The following MEF2C variants were observed in gnomAD, a reference collection of about 807,000 sequenced individuals.
MEF2C encodes myocyte enhancer factor 2C, also known as myocyte-specific enhancer factor 2C.
Under a neutral mutation model 50.5 loss-of-function variants are expected in MEF2C, and 6 were observed. The ratio of observed to expected loss-of-function variants is 0.12; its 90% CI spans 0.07 to 0.23. The LOEUF is 0.23. Ranked by LOEUF, MEF2C falls within the 10% of genes least tolerant of loss-of-function variation. The pLI is 1.00. For missense variants in MEF2C, 276 were observed against 605.0 expected (o/e 0.46, Z 5.70); for synonymous variants, 183 against 228.0 (o/e 0.80, Z 1.78).
At chr5:88,852,525 ATTATT>A (rs1821758432) in intron 1 of MEF2C, among the ~76,000 whole-genome samples, 1 of 152,160 alleles carries the variant, frequency 6.6e-6, no homozygotes, top group African/African-American at 2.4e-5. Context: ...TTTTATTTTA[ATTATT>A]TTATTTTTCC....
At chr5:88,890,600 A>T (rs978408223) in intron 1 of MEF2C, among the ~76,000 whole-genome samples, 5 of 152,222 alleles carry the variant, frequency 3.3e-5, no homozygotes, top group Non-Finnish European at 7.3e-5. Context: ...AAACGTTTCC[A>T]TCACTGCATA....
At chr5:88,790,251 C>T (rs1369877726) in intron 3 of MEF2C, among the ~76,000 whole-genome samples, 2 of 152,180 alleles carry the variant, frequency 1.3e-5, no homozygotes, top group Admixed American at 1.3e-4. Context: ...ATGATTCTAA[C>T]CCTCCATAAA....
chr5:88,748,237 A>G (rs1223824898), intron 6 of MEF2C: 2 of 974,092 alleles, frequency 2.1e-6, no homozygotes, highest in South Asian at 9.5e-5. Context: ...TAGGCTATCC[A>G]TGTCTATTTC....
intron 6 of MEF2C, chr5:88,736,600 T>A (rs1222423273): frequency 2.4e-5 from 24 of 979,868 alleles, no homozygotes; most frequent in Non-Finnish European, 2.9e-5. Context: ...TAAGAGGAGT[T>A]TCAGGCCTTC....
chr5:88,886,344 C>T (rs1210152689), upstream of MEF2C, among the ~76,000 whole-genome samples: 1 of 152,122 alleles, frequency 6.6e-6, no homozygotes, highest in African/African-American at 2.4e-5. Context: ...TTAAAATCAT[C>T]CTGATCCTTG....
At chr5:88,880,291 C>A (rs1286105994) in intron 1 of MEF2C, among the ~76,000 whole-genome samples, 1 of 152,076 alleles carries the variant, frequency 6.6e-6, no homozygotes, top group African/African-American at 2.4e-5. Context: ...AATCTCTTAA[C>A]AGTTCATCTT....
intron 5 of MEF2C, chr5:88,749,599 A>G: frequency 3.1e-6 from 2 of 642,636 alleles, no homozygotes; most frequent in Non-Finnish European, 3.9e-6. Flanking sequence ...GACTGACACA[A>G]TATAACAAAT....
intron 2 of MEF2C, chr5:88,819,533 G>A (rs1807242653): frequency 4.4e-6 from 1 of 225,064 alleles, no homozygotes; most frequent in South Asian, 1.6e-4. Context: ...TGCAAATACT[G>A]CTTCTGGAAT....
chr5:88,803,301 G>A (rs1169994703), intron 3 of MEF2C, among the ~76,000 whole-genome samples: 1 of 151,978 alleles, frequency 6.6e-6, no homozygotes, highest in African/African-American at 2.4e-5. Flanking sequence ...CCTTGGCCTC[G>A]TTAAGGCAAA....
intron 3 of MEF2C, chr5:88,771,730 G>A (rs912089510): frequency 1.9e-5 from 8 of 430,058 alleles, no homozygotes; most frequent in Non-Finnish European, 2.5e-5. Flanking sequence ...TGAGTTGGGT[G>A]GTCTTGTAGA....
chr5:88,752,372 G>T (rs1395419158), intron 4 of MEF2C, among the ~76,000 whole-genome samples: 1 of 152,200 alleles, frequency 6.6e-6, no homozygotes, highest in Non-Finnish European at 1.5e-5. Flanking sequence ...AGAAATGACT[G>T]CAAGATCAAA....
intron 5 of MEF2C, 35 bp from the exon 6 acceptor site, chr5:88,749,152 G>C: frequency 1.3e-6 from 2 of 1,540,442 alleles, no homozygotes; most frequent in Non-Finnish European, 1.8e-6. Flanking sequence ...AACGAGAAAG[G>C]CTAAAGGCCC....
At chr5:88,843,065 G>A (rs774550534) in intron 1 of MEF2C, among the ~76,000 whole-genome samples, 1 of 152,070 alleles carries the variant, frequency 6.6e-6, no homozygotes, top group Non-Finnish European at 1.5e-5. Flanking sequence ...TACTGATTGG[G>A]AGCTACAAAA....
chr5:88,799,989 G>A (rs1206992468), intron 3 of MEF2C, among the ~76,000 whole-genome samples: 2 of 151,676 alleles, frequency 1.3e-5, no homozygotes, highest in Non-Finnish European at 2.9e-5. Context: ...GTGAATCAAA[G>A]GTTTCTTCTG....
intron 6 of MEF2C, among the ~76,000 whole-genome samples, chr5:88,748,417 T>C (rs771012706): frequency 7.9e-5 from 12 of 152,242 alleles, no homozygotes; most frequent in Non-Finnish European, 1.8e-4. Flanking sequence ...ATCTTGCCTC[T>C]GCATTGAAAA....
rs189174067 is a variant in MEF2C at position 88,888,510 on chromosome 5, T to C, written c.-239-912A>G. On this transcript the variant is annotated intron_variant, in intron 1 of 11. Coordinates refer to the MEF2C transcript ENST00000340208. ...GCCAGTTTTACTTTATGGGTGTTAG[T>C]TGAGTTTAGGTTTTTAGGCTTAGGC... Among the ~76,000 whole-genome samples, 725 of 152,304 alleles carry C rather than the reference T, an allele frequency of 4.8e-3. 8 individuals carry two copies. Among genetic ancestry groups the C allele is most frequent in the African/African-American group, 0.017 (701 of 41,556 alleles).
chr5:88,871,051 A>G (rs1373580618), intron 1 of MEF2C, among the ~76,000 whole-genome samples: 1 of 152,102 alleles, frequency 6.6e-6, no homozygotes, highest in Admixed American at 6.6e-5. Context: ...AGGTCCATAC[A>G]TAAAAACAAA....
chr5:88,752,892 G>A (rs1178735646), intron 4 of MEF2C: 1 of 363,296 alleles, frequency 2.8e-6, no homozygotes, highest in East Asian at 1.6e-4. Context: ...TTTTTTTTAA[G>A]CATTACGAGT....
chr5:88,856,494 G>A (rs1823396340), intron 1 of MEF2C, among the ~76,000 whole-genome samples: 1 of 152,178 alleles, frequency 6.6e-6, no homozygotes, highest in African/African-American at 2.4e-5. Flanking sequence ...CAAGACAATG[G>A]GAAAAATGTC....
Sources: allele counts gnomAD v4.1 joint callset (sites outside exome capture counted in the v4.1 genomes callset), GRCh38; gene constraint gnomAD v4.1.1; transcripts MANE v1.5; gene names NCBI Gene and HGNC (gene_info 2026-07-23, HGNC 2026-07-21).